Variants in USH2A observed in about 807,000 individuals in gnomAD.
The protein encoded by USH2A is Usher syndrome 2A (autosomal recessive, mild).
In USH2A, 443 loss-of-function variants were observed where a neutral mutation model predicts 538.9. That is an observed-to-expected ratio of 0.82 (90% CI 0.76 to 0.89). The LOEUF is 0.89. Among genes scored for constraint, USH2A ranks in the 40% least tolerant of loss-of-function variants. The pLI is 0.00. For synonymous variants in USH2A, 2,413 were observed against 2,273.5 expected (o/e 1.06, Z -1.75); for missense variants, 6,633 against 6,324.8 (o/e 1.05, Z -1.65).
chr1:216,281,509 A>T lies in USH2A; in HGVS notation c.1971+7771T>A, dbSNP rs914107160. On this transcript the variant is annotated intron_variant, in intron 11 of 71. Coordinates refer to ENST00000307340, the MANE Select transcript of USH2A (RefSeq NM_206933.4). ...ATTCTTCGTCCGTCTTCCTTTCCCTACTCTAATTTCTGAGACTTGAGCACA... is the reference window on the plus strand; with the variant it reads ...ATTCTTCGTCCGTCTTCCTTTCCCTTCTCTAATTTCTGAGACTTGAGCACA... Among the ~76,000 whole-genome samples, 8 of 152,132 alleles carry T rather than the reference A, an allele frequency of 5.3e-5. No homozygotes were observed. In the South Asian group the frequency reaches 1.7e-3, roughly 32 times the overall value.
chr1:216,199,527 A>G (rs1022346970), intron 17 of USH2A, 100 bp downstream of exon 17: 11 of 1,533,228 alleles, frequency 7.2e-6, no homozygotes, highest in Non-Finnish European at 9.0e-6. Flanking sequence ...TTGTGCAGTT[A>G]TAAAAAGGAA....
intron 3 of USH2A, among the ~76,000 whole-genome samples, chr1:216,400,912 C>T (rs1162570308): frequency 1.3e-5 from 2 of 152,022 alleles, no homozygotes; most frequent in South Asian, 4.1e-4. Context: ...TTGTTTTCAT[C>T]AAACCCATTC....
At chr1:216,003,028 A>T (rs1204862591) in intron 32 of USH2A, among the ~76,000 whole-genome samples, 2 of 152,062 alleles carry the variant, frequency 1.3e-5, no homozygotes, top group Non-Finnish European at 2.9e-5. Flanking sequence ...AGATGGAAGG[A>T]GCTTCCTGAA....
At chr1:216,288,719 G>A (rs2036937897) in intron 11 of USH2A, among the ~76,000 whole-genome samples, 1 of 152,082 alleles carries the variant, frequency 6.6e-6, no homozygotes, top group Admixed American at 6.6e-5. Context: ...CCTGCTTGAG[G>A]TAGGATACAT....
At position 215,728,049 on chromosome 1, in the gene USH2A, A is replaced by G. The variant is rs1293573842; in HGVS notation, c.12047T>C (p.Val4016Ala). ...PDDPTFNSPT[V>A]HAFTVKGTSH... ...TCTTACCTTCACTGTGAAAGCATGC[A>G]CGGTAGGGCTGTTAAATGTAGGATC... The change falls in exon 61 of 72, where the codon GTG becomes GCG. Residue 4016 changes from valine (V) to alanine (A), a missense_variant. Transcript: ENST00000307340. The G allele has an allele frequency of 1.2e-6, 2 of 1,614,180 alleles. No homozygotes were observed. Among genetic ancestry groups the G allele is most frequent in the Non-Finnish European group, 1.7e-6 (2 of 1,180,040 alleles).
chr1:215,974,204 T>C (rs977307856), intron 35 of USH2A, among the ~76,000 whole-genome samples: 1 of 152,126 alleles, frequency 6.6e-6, no homozygotes, highest in Non-Finnish European at 1.5e-5. Flanking sequence ...CCTATTAACA[T>C]GACAATTTTA....
intron 11 of USH2A, among the ~76,000 whole-genome samples, chr1:216,283,598 A>C (rs2102598430): frequency 6.6e-6 from 1 of 152,290 alleles, no homozygotes; most frequent in East Asian, 1.9e-4. Context: ...TCTCACTGAA[A>C]TATTTGGATA....
intron 11 of USH2A, among the ~76,000 whole-genome samples, chr1:216,272,031 G>T (rs544131764): frequency 6.6e-6 from 1 of 152,214 alleles, no homozygotes; most frequent in African/African-American, 2.4e-5. Context: ...AATGAGCTGA[G>T]AAATATATGC....
At chr1:216,034,105 A>T (rs1463648178) in intron 32 of USH2A, among the ~76,000 whole-genome samples, 2 of 147,658 alleles carry the variant, frequency 1.4e-5, no homozygotes, top group African/African-American at 4.9e-5. Flanking sequence ...GAAGACAAGG[A>T]CTACTGAGTT....
At chr1:216,159,999 TA>T (rs2102627876) in intron 21 of USH2A, among the ~76,000 whole-genome samples, 1 of 152,192 alleles carries the variant, frequency 6.6e-6, no homozygotes, top group Admixed American at 6.5e-5. Flanking sequence ...GTAAGATTTC[TA>T]GTAATGGCTC....
intron 4 of USH2A, among the ~76,000 whole-genome samples, chr1:216,336,955 T>A (rs1300500380): frequency 6.6e-6 from 1 of 151,506 alleles, no homozygotes. Flanking sequence ...AAGACCCTGA[T>A]GAATTGATTC....
At chr1:216,043,174 G>T (rs550865035) in intron 32 of USH2A, among the ~76,000 whole-genome samples, 1 of 152,130 alleles carries the variant, frequency 6.6e-6, no homozygotes, top group East Asian at 1.9e-4. Flanking sequence ...CAGAGGATTT[G>T]GGGCCAGACA....
chr1:216,022,585 C>A (rs1426779921), intron 32 of USH2A, among the ~76,000 whole-genome samples: 1 of 152,100 alleles, frequency 6.6e-6, no homozygotes, highest in African/African-American at 2.4e-5. Context: ...ATACCAAAAT[C>A]TACTCAGTAT....
intron 13 of USH2A, among the ~76,000 whole-genome samples, chr1:216,238,140 T>C (rs1194088816): frequency 1.3e-5 from 2 of 152,204 alleles, no homozygotes; most frequent in African/African-American, 4.8e-5. Context: ...CTTTGTTTTA[T>C]GAATTGTAAA....
intron 37 of USH2A, among the ~76,000 whole-genome samples, chr1:215,955,835 C>T (rs1176775452): frequency 1.3e-5 from 2 of 152,066 alleles, no homozygotes; most frequent in East Asian, 3.9e-4. Context: ...TAGGAGTCAC[C>T]TATTATCACT....
rs529570398 is a variant in USH2A at position 215,716,093 on chromosome 1, C to T, written c.12066+11937G>A. Among the ~76,000 whole-genome samples, 6 of 149,540 alleles carry T rather than the reference C, an allele frequency of 4.0e-5. No individual in the cohort carries two copies. In the South Asian group the frequency reaches 1.3e-3, roughly 31 times the overall value. On this transcript the variant is annotated intron_variant, in intron 61 of 71. Coordinates refer to ENST00000307340, the MANE Select transcript of USH2A (RefSeq NM_206933.4). ...GAACAGCAGCCAGATGGTATCTCTACAAATAACTGTCAGGGGTCTTGATCT... is the reference window on the plus strand; with the variant it reads ...GAACAGCAGCCAGATGGTATCTCTATAAATAACTGTCAGGGGTCTTGATCT...
Position 215,634,463 on chromosome 1 carries a change from T to A in USH2A, c.15293A>T (p.His5098Leu). 6.2e-7 allele frequency: 1 copy of A among 1,614,244 alleles called. No individual in the cohort carries two copies. Among genetic ancestry groups the A allele is most frequent in the Non-Finnish European group, 8.5e-7 (1 of 1,180,032 alleles). Residue 5098 changes from histidine (H) to leucine (L), a missense_variant, in exon 70 of 72, where the codon CAT becomes CTT. By Grantham distance (99) the His-to-Leu change is moderately conservative. Coordinates refer to ENST00000307340, the MANE Select transcript of USH2A (RefSeq NM_206933.4). ...GCCACACCTCTACAAACATACCATATGGTTTTCCCCCGGTGGGTAAACATT... is the reference window on the plus strand; with the variant it reads ...GCCACACCTCTACAAACATACCATAAGGTTTTCCCCCGGTGGGTAAACATT... ...PLNVYPPGEN[H>L]MGLADTKIPR...
At chr1:216,304,542 T>G (rs750563803) in intron 9 of USH2A, among the ~76,000 whole-genome samples, 1 of 152,046 alleles carries the variant, frequency 6.6e-6, no homozygotes, top group African/African-American at 2.4e-5. Flanking sequence ...TTTAATTTCC[T>G]TATTAAGTCA....
At chr1:215,838,140 T>C (rs764279995) in intron 46 of USH2A, 37 bp from the exon 47 acceptor site, 1 of 1,502,796 alleles carries the variant, frequency 6.7e-7, no homozygotes, top group Non-Finnish European at 9.3e-7. Context: ...AATGCAACCA[T>C]TTTTGAAATA....
Sources: gnomAD v4.1 joint callset for allele counts (sites outside exome capture counted in the v4.1 genomes callset) on GRCh38, gnomAD v4.1.1 for gene constraint, MANE v1.5 for transcripts, NCBI Gene and HGNC (gene_info 2026-07-23, HGNC 2026-07-21) for gene names.